MFSD6: variants seen among roughly 807,000 people sequenced by gnomAD.
MFSD6 encodes major facilitator superfamily domain-containing protein 6.
MFSD6 carries 26 observed loss-of-function variants against 56.3 expected under a neutral mutation model. The ratio of observed to expected loss-of-function variants is 0.46; its 90% CI spans 0.34 to 0.64. The LOEUF (loss-of-function observed/expected upper bound fraction) is 0.64, where lower values mean the gene tolerates loss of function less well. Among genes scored for constraint, MFSD6 ranks in the 30% least tolerant of loss-of-function variants. The pLI, the probability that MFSD6 is intolerant of heterozygous loss-of-function variation, is 0.01. For missense variants in MFSD6, 750 were observed against 986.2 expected, an observed-to-expected ratio of 0.76 and a Z score of 3.21; for synonymous variants, 331 against 366.9, an observed-to-expected ratio of 0.90 and a Z score of 1.12.
At chr2:190,442,620 A>G (rs1439653536) in intron 3 of MFSD6, 2 of 152,142 alleles carry the variant, frequency 1.3e-5, no homozygotes, top group Non-Finnish European at 2.9e-5. Context: ...GGGAGGTAAA[A>G]TTGACAGAAT....
At position 190,457,173 on chromosome 2, in the gene MFSD6, T is replaced by C. The variant is rs1559122208; in HGVS notation, c.1533-12585T>C. 6.6e-6 allele frequency among the ~76,000 whole-genome samples: 1 copy of C among 152,134 alleles called. No homozygotes were observed. Among genetic ancestry groups the C allele is most frequent in the African/African-American group, 2.4e-5 (1 of 41,446 alleles). On this transcript the variant is annotated intron_variant, in intron 3 of 7. Transcript: ENST00000392328. This position sits in a 1 kb window ranked among gnomAD's most constrained non-coding sequence, Gnocchi z 5.1. ...TGGAGTGTGGAAAATAGCACATTGC[T>C]ATTACCTACTGAAAGAGCATGGTCT... is the stretch of plus-strand genomic sequence containing the variant.
intron 3 of MFSD6, among the ~76,000 whole-genome samples, chr2:190,450,637 C>A (rs2125087016): frequency 6.6e-6 from 1 of 151,920 alleles, no homozygotes; most frequent in South Asian, 2.1e-4. Flanking sequence ...AGACTACAGG[C>A]ATGTGCCACC....
At chr2:190,427,164 C>G (rs1227538619) in intron 2 of MFSD6, among the ~76,000 whole-genome samples, 1 of 152,202 alleles carries the variant, frequency 6.6e-6, no homozygotes, top group African/African-American at 2.4e-5. Flanking sequence ...GCCTTGTTAC[C>G]AACAGGTGGG....
At chr2:190,480,472 TA>T (rs1688598183) in intron 4 of MFSD6, among the ~76,000 whole-genome samples, 1 of 152,220 alleles carries the variant, frequency 6.6e-6, no homozygotes, top group Non-Finnish European at 1.5e-5. Flanking sequence ...ATTTGAAAAT[TA>T]AATTTAAAGC....
chr2:190,483,187 C>T (rs965349907), intron 4 of MFSD6, among the ~76,000 whole-genome samples: 14 of 152,072 alleles, frequency 9.2e-5, no homozygotes, highest in African/African-American at 3.1e-4. Flanking sequence ...CCACCGCGCC[C>T]GGCCGACTAT....
At chr2:190,478,360 T>G (rs1295240223) in intron 4 of MFSD6, among the ~76,000 whole-genome samples, 1 of 152,094 alleles carries the variant, frequency 6.6e-6, no homozygotes, top group African/African-American at 2.4e-5. Context: ...CAGAAGTGAG[T>G]GCTGAGTATT....
Position 190,439,508 on chromosome 2 carries a change from A to G in MFSD6, c.1532+1947A>G, listed in dbSNP as rs2125057797. On this transcript the variant is annotated intron_variant, in intron 3 of 7. Transcript: ENST00000392328. This position sits in a 1 kb window ranked among gnomAD's most constrained non-coding sequence, Gnocchi z 5.8. Reference sequence around the variant, plus strand: ...TGCTAAGAAAAGATGGTTCTCTTCTACCTTTGCCTTTTGTCTGAGACATAT... The same window carrying G: ...TGCTAAGAAAAGATGGTTCTCTTCTGCCTTTGCCTTTTGTCTGAGACATAT... Among the ~76,000 whole-genome samples, 1 of 152,272 alleles carries G rather than the reference A, an allele frequency of 6.6e-6. No individual in the cohort carries two copies.
chr2:190,456,990 C>G lies in MFSD6; in HGVS notation c.1533-12768C>G, dbSNP rs1337853375. 6.6e-6 allele frequency among the ~76,000 whole-genome samples: 1 copy of G among 152,146 alleles called. No homozygotes were observed. Among genetic ancestry groups the G allele is most frequent in the Non-Finnish European group, 1.5e-5 (1 of 68,040 alleles). The stretch of plus-strand genomic sequence containing the variant: ...TAAAATGTCAACCGTCTTCTGATGC[C>G]AACATAAACGTTCATCCAGCTTCCT... On this transcript the variant is annotated intron_variant, in intron 3 of 7. Coordinates refer to ENST00000392328, the MANE Select transcript of MFSD6 (RefSeq NM_017694.4). The surrounding 1 kb of genome is among the most constrained non-coding windows in gnomAD (Gnocchi z 5.4).
rs146369115 is a variant in MFSD6, at chr2:190,450,589, C to T, written c.1532+13028C>T. Among the ~76,000 whole-genome samples the T allele has an allele frequency of 1.3e-3, 173 of 136,890 alleles. 1 individual carries two copies. The highest frequency in any genetic ancestry group is 2.4e-3 in the South Asian group (10 of 4,146). The allele number at this position is 136,890 out of a possible 152,430, so 89.8% of individuals were successfully genotyped here. On this transcript the variant is annotated intron_variant, in intron 3 of 7. Coordinates refer to ENST00000392328, the MANE Select transcript of MFSD6 (RefSeq NM_017694.4). ...CTCACTGCAGCCTCAACACCTTGGG[C>T]TCAGATGATACCCCCACCCCAGCCT...
intron 3 of MFSD6, among the ~76,000 whole-genome samples, chr2:190,460,101 T>C (rs1376178390): frequency 6.6e-6 from 1 of 152,196 alleles, no homozygotes; most frequent in Non-Finnish European, 1.5e-5. Flanking sequence ...TGAGATAGGC[T>C]TGTGGTGAGC....
chr2:190,472,544 A>G (rs1688011541), intron 4 of MFSD6, among the ~76,000 whole-genome samples: 1 of 152,198 alleles, frequency 6.6e-6, no homozygotes, highest in African/African-American at 2.4e-5. Flanking sequence ...AGAAAAAAGA[A>G]TAAAAAGAAA....
chr2:190,455,740 G>C (rs1686996477), intron 3 of MFSD6, among the ~76,000 whole-genome samples: 1 of 151,844 alleles, frequency 6.6e-6, no homozygotes, highest in African/African-American at 2.4e-5. Flanking sequence ...AGGTCTCAGA[G>C]ATTGCTGGAA....
Position 190,416,349 on chromosome 2 carries a change from TAGAG to T in MFSD6, c.-54+939_-54+942del, listed in dbSNP as rs901023621. Among the ~76,000 whole-genome samples, 6 of 152,226 alleles carry T rather than the reference TAGAG, an allele frequency of 3.9e-5. No individual in the cohort carries two copies. The highest frequency in any genetic ancestry group is 8.8e-5 in the Non-Finnish European group (6 of 68,040). ...CTGTTAGCAAGTTGAAAGGAAATGT[TAGAG>T]AGGATTTCAGGTCCTTTCTTTCAGA... On this transcript the variant is annotated intron_variant, in intron 2 of 7. Transcript: ENST00000392328. The surrounding 1 kb of genome is among the most constrained non-coding windows in gnomAD (Gnocchi z 4.1).
chr2:190,409,327 C>T (rs947714134), intron 1 of MFSD6, among the ~76,000 whole-genome samples: 2 of 152,156 alleles, frequency 1.3e-5, no homozygotes, highest in African/African-American at 2.4e-5. Context: ...GGGTTAATTA[C>T]CTTTATGCAT....
At chr2:190,442,374 T>G (rs6736316) in intron 3 of MFSD6, among the ~76,000 whole-genome samples, 2,439 of 152,208 alleles carry the variant, frequency 0.016, 75 homozygotes, top group African/African-American at 0.055. Flanking sequence ...TGAGGCCAGA[T>G]GGATGCTGGG....
Position 190,438,176 on chromosome 2 carries a change from T to C in MFSD6, c.1532+615T>C, listed in dbSNP as rs762321446. Among the ~76,000 whole-genome samples the C allele has an allele frequency of 2.0e-4, 30 of 150,228 alleles. No homozygotes were observed. The Middle Eastern group carries it at 0.017, about 85-fold the overall frequency. On this transcript the variant is annotated intron_variant, in intron 3 of 7. Transcript: ENST00000392328. This position sits in a 1 kb window ranked among gnomAD's most constrained non-coding sequence, Gnocchi z 5.2. Reference sequence around the variant, plus strand: ...GAAGACATAGGATATTTGAAAATCTTTCTTCCACCTAAAATTTCCCATGTA... The same window carrying C: ...GAAGACATAGGATATTTGAAAATCTCTCTTCCACCTAAAATTTCCCATGTA...
rs1690645973 is a variant in MFSD6 at position 190,413,361 on chromosome 2, G to A, written c.-175-1931G>A. Among the ~76,000 whole-genome samples the A allele has an allele frequency of 6.6e-6, 1 of 151,976 alleles. No homozygotes were observed. Among genetic ancestry groups the A allele is most frequent in the African/African-American group, 2.4e-5 (1 of 41,362 alleles). ...TTAAAAAACCATGTTCAAGAGATGTGGAAAAAAATTGAATTAAGGGGGGCA... is the reference window on the plus strand; with the variant it reads ...TTAAAAAACCATGTTCAAGAGATGTAGAAAAAAATTGAATTAAGGGGGGCA... On this transcript the variant is annotated intron_variant, in intron 1 of 7. Coordinates refer to ENST00000392328, the MANE Select transcript of MFSD6 (RefSeq NM_017694.4). This position sits in a 1 kb window ranked among gnomAD's most constrained non-coding sequence, Gnocchi z 4.1.
rs1686448134 is a variant in MFSD6 at position 190,443,231 on chromosome 2, G to A, written c.1532+5670G>A. 6.6e-6 allele frequency among the ~76,000 whole-genome samples: 1 copy of A among 152,174 alleles called. No homozygotes were observed. Among genetic ancestry groups the A allele is most frequent in the African/African-American group, 2.4e-5 (1 of 41,446 alleles). On this transcript the variant is annotated intron_variant, in intron 3 of 7. Coordinates refer to ENST00000392328, the MANE Select transcript of MFSD6 (RefSeq NM_017694.4). This position sits in a 1 kb window ranked among gnomAD's most constrained non-coding sequence, Gnocchi z 4.2. ...ACAGGACTTTAAGGATTGTATGGTG[G>A]TTACGAGCAGAGGCTGAGTCAGATT...
chr2:190,479,432 G>C (rs994241622), intron 4 of MFSD6, among the ~76,000 whole-genome samples: 1 of 152,112 alleles, frequency 6.6e-6, no homozygotes, highest in Non-Finnish European at 1.5e-5. Context: ...GCTGGATGGT[G>C]GTGGTGGTGA....
Sources: allele counts gnomAD v4.1 joint callset (sites outside exome capture counted in the v4.1 genomes callset), GRCh38; gene constraint gnomAD v4.1.1; non-coding constraint Gnocchi (gnomAD v3.1); transcripts MANE v1.5; gene names NCBI Gene and HGNC (gene_info 2026-07-23, HGNC 2026-07-21).